PSD3: variants seen among roughly 807,000 people sequenced by gnomAD.
The protein encoded by PSD3 is pleckstrin and Sec7 domain containing 3, also known as PH and SEC7 domain-containing protein 3.
A neutral mutation model predicts 105.5 loss-of-function variants in PSD3; 49 were observed. The observed-to-expected ratio is 0.46, with a 90% CI of 0.37 to 0.59. The LOEUF (loss-of-function observed/expected upper bound fraction) is 0.59, where lower values mean the gene tolerates loss of function less well. PSD3 is among the 20% of genes least tolerant of loss of function. PSD3 has a pLI of 0.00. For missense variants in PSD3, 1,561 were observed against 1,263.8 expected, an observed-to-expected ratio of 1.24 and a Z score of -3.57; for synonymous variants, 557 against 457.8, an observed-to-expected ratio of 1.22 and a Z score of -2.77.
rs547200423 is a variant in PSD3, at chr8:19,067,840, G to A, written c.324+16366C>T. Among the ~76,000 whole-genome samples, 12 of 152,232 alleles carry A rather than the reference G, an allele frequency of 7.9e-5. No homozygotes were observed. In the South Asian group the frequency reaches 2.3e-3, roughly 29 times the overall value. On this transcript the variant is annotated intron_variant, in intron 1 of 1. Coordinates refer to the PSD3 transcript ENST00000521475. Reference sequence around the variant, plus strand: ...ACCCAGCCCTCTGGACCTTTTTCTGGCCACCTTGGAGGAATGTTCCTGGCA... The same window carrying A: ...ACCCAGCCCTCTGGACCTTTTTCTGACCACCTTGGAGGAATGTTCCTGGCA...
intron 1 of PSD3, among the ~76,000 whole-genome samples, chr8:18,956,352 G>T (rs183888246): frequency 2.6e-5 from 4 of 152,212 alleles, no homozygotes; most frequent in Admixed American, 2.0e-4. Flanking sequence ...TCTGGGGTGG[G>T]GCCTGACAGT....
intron 2 of PSD3, among the ~76,000 whole-genome samples, chr8:18,900,803 C>G (rs1026640928): frequency 3.9e-5 from 6 of 152,026 alleles, no homozygotes; most frequent in African/African-American, 1.4e-4. Flanking sequence ...ACATGGAGAT[C>G]ACTTTTTAAT....
chr8:18,616,453 G>A (rs534624815), intron 11 of PSD3, among the ~76,000 whole-genome samples: 1 of 152,012 alleles, frequency 6.6e-6, no homozygotes, highest in Non-Finnish European at 1.5e-5. Context: ...GCCTTCCCTC[G>A]TCTGGATCTA....
chr8:19,029,283 C>T (rs1168963618), intron 1 of PSD3, among the ~76,000 whole-genome samples: 1 of 152,192 alleles, frequency 6.6e-6, no homozygotes, highest in Non-Finnish European at 1.5e-5. Flanking sequence ...TCTTCTAAAA[C>T]ATGAACACTC....
chr8:18,763,151 T>G, intron 9 of PSD3: 1 of 424,476 alleles, frequency 2.4e-6, no homozygotes, highest in Non-Finnish European at 4.8e-6. Flanking sequence ...ATCCAAATGT[T>G]ACTTTTGAAC....
chr8:18,673,066 T>C (rs1368739054), intron 9 of PSD3, among the ~76,000 whole-genome samples: 1 of 152,208 alleles, frequency 6.6e-6, no homozygotes. Flanking sequence ...TAACTTCACC[T>C]CTGATTCTTG....
rs1799692254 is a variant in PSD3, at chr8:18,532,947, G to A, written c.*2796C>T. ...AGAAGAATGATTTATCATATGGAAGGAAGTCCCAAGGCTCCTGGGCGCTGA... is the reference window on the plus strand; with the variant it reads ...AGAAGAATGATTTATCATATGGAAGAAAGTCCCAAGGCTCCTGGGCGCTGA... On this transcript the variant is annotated 3_prime_UTR_variant, in exon 16 of 16. Coordinates refer to ENST00000327040, the MANE Select transcript of PSD3 (RefSeq NM_015310.4). 1 of 152,228 alleles carries A rather than the reference G, an allele frequency of 6.6e-6. No homozygotes were observed. Among genetic ancestry groups the A allele is most frequent in the South Asian group, 2.1e-4 (1 of 4,830 alleles). The allele number at this position is 152,228 out of a possible 1,614,324, so 9.4% of individuals were successfully genotyped here.
chr8:18,842,107 G>C (rs1814675627), intron 4 of PSD3, among the ~76,000 whole-genome samples: 1 of 152,114 alleles, frequency 6.6e-6, no homozygotes, highest in Non-Finnish European at 1.5e-5. Context: ...GGAATACCAA[G>C]AAGCAAAAAG....
At chr8:19,011,865 G>A (rs1178088840) in intron 1 of PSD3, among the ~76,000 whole-genome samples, 1 of 152,054 alleles carries the variant, frequency 6.6e-6, no homozygotes, top group African/African-American at 2.4e-5. Flanking sequence ...CACATTCAAT[G>A]GTCAGGATAA....
chr8:18,635,471 C>G (rs1807184738), intron 10 of PSD3, among the ~76,000 whole-genome samples: 1 of 152,068 alleles, frequency 6.6e-6, no homozygotes. Flanking sequence ...AAAAAAATCC[C>G]ATTGTCTAAC....
rs1440073979 is a variant in PSD3 at position 19,073,658 on chromosome 8, G to C, written c.324+10548C>G. Among the ~76,000 whole-genome samples, 3 of 151,356 alleles carry C rather than the reference G, an allele frequency of 2.0e-5. No individual in the cohort carries two copies. In the East Asian group the frequency reaches 5.8e-4, roughly 29 times the overall value. On this transcript the variant is annotated intron_variant, in intron 1 of 1. Coordinates refer to the PSD3 transcript ENST00000521475. ...CAGAAAAGCCAATCTGTACAGGACT[G>C]TTGTGAACTGACATATTATAAGAGG...
chr8:18,661,514 T>C (rs1809345959), intron 9 of PSD3, among the ~76,000 whole-genome samples: 1 of 152,230 alleles, frequency 6.6e-6, no homozygotes, highest in South Asian at 2.1e-4. Flanking sequence ...TGCAATGGTC[T>C]TCAACTTCTA....
chr8:19,037,193 T>G (rs1410565969), intron 1 of PSD3, among the ~76,000 whole-genome samples: 1 of 152,262 alleles, frequency 6.6e-6, no homozygotes, highest in Non-Finnish European at 1.5e-5. Context: ...AAATCAATGA[T>G]AGAACTTTCT....
chr8:18,770,002 G>A (rs12155627), intron 8 of PSD3, among the ~76,000 whole-genome samples: 68,477 of 152,078 alleles, frequency 0.45, 18,358 homozygotes, highest in Non-Finnish European at 0.61. Flanking sequence ...ATTTAGGAGT[G>A]GGATTATTGA....
chr8:19,029,866 T>C (rs1827697386), intron 1 of PSD3, among the ~76,000 whole-genome samples: 1 of 152,246 alleles, frequency 6.6e-6, no homozygotes, highest in South Asian at 2.1e-4. Flanking sequence ...TTCTGTGACC[T>C]TGCTAAACTC....
At chr8:18,857,391 C>A (rs955381690) in intron 4 of PSD3, among the ~76,000 whole-genome samples, 3 of 152,132 alleles carry the variant, frequency 2.0e-5, no homozygotes, top group African/African-American at 4.8e-5. Context: ...CTAACCAGGT[C>A]CAGGTGATGT....
rs539547559 is a variant in PSD3 at position 18,717,740 on chromosome 8, A to G, written c.2172+47709T>C. On this transcript the variant is annotated intron_variant, in intron 9 of 15. Coordinates refer to ENST00000327040, the MANE Select transcript of PSD3 (RefSeq NM_015310.4). Reference sequence around the variant, plus strand: ...TCAGTTAGAAAGATAAAAAAGCAAAACAAAATATTCCCTTTGCCTTCTCTC... The same window carrying G: ...TCAGTTAGAAAGATAAAAAAGCAAAGCAAAATATTCCCTTTGCCTTCTCTC... Among the ~76,000 whole-genome samples, 85 of 152,362 alleles carry G rather than the reference A, an allele frequency of 5.6e-4. 5 individuals carry two copies. The highest frequency in any genetic ancestry group is 2.9e-4 in the Non-Finnish European group (20 of 68,034).
At chr8:18,798,407 C>T (rs1396934074) in intron 8 of PSD3, among the ~76,000 whole-genome samples, 2 of 152,126 alleles carry the variant, frequency 1.3e-5, no homozygotes, top group Non-Finnish European at 2.9e-5. Context: ...TCTCCCTGAA[C>T]CCCTTCCTCT....
At chr8:18,939,267 G>A (rs958603333) in intron 1 of PSD3, among the ~76,000 whole-genome samples, 34 of 152,218 alleles carry the variant, frequency 2.2e-4, no homozygotes, top group African/African-American at 8.2e-4. Context: ...AGCTGGGGAG[G>A]GGGTGATTTA....
Sources: gnomAD v4.1 joint callset for allele counts (sites outside exome capture counted in the v4.1 genomes callset) on GRCh38, gnomAD v4.1.1 for gene constraint, MANE v1.5 for transcripts, NCBI Gene and HGNC (gene_info 2026-07-23, HGNC 2026-07-21) for gene names.